TNFRSF9: variants seen among roughly 807,000 people sequenced by gnomAD.
TNFRSF9 encodes the protein tumor necrosis factor receptor superfamily member 9.
A neutral mutation model predicts 28.8 loss-of-function variants in TNFRSF9; 16 were observed. That is an observed-to-expected ratio of 0.55 (90% CI 0.38 to 0.84). The LOEUF is 0.84. Among genes scored for constraint, TNFRSF9 ranks in the 40% least tolerant of loss-of-function variants. TNFRSF9 has a pLI of 0.00. For missense variants in TNFRSF9, 303 were observed against 315.0 expected (o/e 0.96, Z 0.29); for synonymous variants, 131 against 117.0 (o/e 1.12, Z -0.77).
chr1:7,929,823 C>T (rs1476843207), intron 7 of TNFRSF9, among the ~76,000 whole-genome samples: 1 of 152,160 alleles, frequency 6.6e-6, no homozygotes, highest in Non-Finnish European at 1.5e-5. Flanking sequence ...TACACACGCA[C>T]ACTGTGCCAA....
intron 2 of TNFRSF9, 78 bp downstream of exon 2, chr1:7,939,817 G>C: frequency 1.0e-5 from 11 of 1,102,964 alleles, no homozygotes; most frequent in Non-Finnish European, 1.4e-5. Flanking sequence ...AAGGGAGCTC[G>C]TTAGCCCTGA....
At chr1:7,923,319 G>A (rs935349482) in intron 7 of TNFRSF9, among the ~76,000 whole-genome samples, 1 of 152,202 alleles carries the variant, frequency 6.6e-6, no homozygotes, top group Non-Finnish European at 1.5e-5. Flanking sequence ...CACCCTCACG[G>A]CTGATTAAGG....
intron 7 of TNFRSF9, among the ~76,000 whole-genome samples, chr1:7,927,077 C>T (rs1337422112): frequency 6.6e-6 from 1 of 151,374 alleles, no homozygotes; most frequent in African/African-American, 2.4e-5. Context: ...AAAAAAATTA[C>T]CCAGGCATGC....
Position 7,916,496 on chromosome 1 carries a change from A to G in TNFRSF9, c.*4339T>C, listed in dbSNP as rs1187194148. ...AATAAACTGTGGATTTTCGGTGTGT[A>G]ACCTAGGACACATGAGAGCCTCGCT... On this transcript the variant is annotated 3_prime_UTR_variant, in exon 8 of 8. Coordinates refer to ENST00000377507, the MANE Select transcript of TNFRSF9 (RefSeq NM_001561.6). The G allele has an allele frequency of 3.3e-5, 5 of 152,208 alleles. No individual in the cohort carries two copies. Among genetic ancestry groups the G allele is most frequent in the Non-Finnish European group, 7.4e-5 (5 of 68,024 alleles). The allele number at this position is 152,208 out of a possible 1,614,324, so 9.4% of individuals were successfully genotyped here.
At chr1:7,921,064 G>GA in intron 7 of TNFRSF9, 141 bp from the exon 8 acceptor site, 1 of 635,468 alleles carries the variant, frequency 1.6e-6, no homozygotes, top group Non-Finnish European at 2.7e-6. Context: ...AGCCAGGCGT[G>GA]GTGGCTCATG....
At chr1:7,939,520 C>T (rs1385791525) in intron 2 of TNFRSF9, among the ~76,000 whole-genome samples, 2 of 152,222 alleles carry the variant, frequency 1.3e-5, no homozygotes, top group African/African-American at 4.8e-5. Context: ...ACCGTCCCCA[C>T]TCTGTTAAGC....
chr1:7,925,377 A>C (rs1417212868), intron 7 of TNFRSF9, among the ~76,000 whole-genome samples: 1 of 152,132 alleles, frequency 6.6e-6, no homozygotes, highest in East Asian at 1.9e-4. Flanking sequence ...GAAGAAAGAG[A>C]ACATTTTAAA....
chr1:7,921,027 A>T, intron 7 of TNFRSF9, 104 bp from the exon 8 acceptor site: 1 of 840,822 alleles, frequency 1.2e-6, no homozygotes, highest in Non-Finnish European at 1.9e-6. Flanking sequence ...AGCAGCAAAC[A>T]TTCTCCCCTT....
rs145019217 is a variant in TNFRSF9 at position 7,928,187 on chromosome 1, C to T, written c.679+4975G>A. On this transcript the variant is annotated intron_variant, in intron 7 of 7. Transcript: ENST00000377507. ...TGCAAGCAAGGATGCAGAGAAACTC[C>T]GATGAGAATGTAAAATGATACACTT... 2.9e-3 allele frequency among the ~76,000 whole-genome samples: 436 copies of T among 152,202 alleles called. 2 individuals carry two copies. Among genetic ancestry groups the T allele is most frequent in the Non-Finnish European group, 3.2e-3 (215 of 67,998 alleles).
chr1:7,937,860 C>A, intron 4 of TNFRSF9, 104 bp from the exon 5 acceptor site: 1 of 985,930 alleles, frequency 1.0e-6, no homozygotes, highest in East Asian at 2.5e-5. Flanking sequence ...ATGCAATCTG[C>A]ACAAATTGTT....
intron 2 of TNFRSF9, 61 bp downstream of exon 2, chr1:7,939,834 G>T: frequency 7.5e-7 from 1 of 1,340,720 alleles, no homozygotes. Context: ...CTGACTACTA[G>T]ACTAACTGAA....
chr1:7,938,073 T>C (rs950444461), intron 4 of TNFRSF9, 120 bp downstream of exon 4: 2 of 822,022 alleles, frequency 2.4e-6, no homozygotes, highest in Admixed American at 5.8e-5. Context: ...TGATATATCA[T>C]ATACTCCCTT....
intron 7 of TNFRSF9, among the ~76,000 whole-genome samples, chr1:7,929,162 T>TC (rs1639696997): frequency 8.0e-5 from 8 of 99,424 alleles, no homozygotes; most frequent in African/African-American, 4.7e-4. Flanking sequence ...TTTTTCCTTT[T>TC]TTTTTTTTTT....
chr1:7,928,565 G>A (rs1329884070), intron 7 of TNFRSF9, among the ~76,000 whole-genome samples: 1 of 152,220 alleles, frequency 6.6e-6, no homozygotes, highest in Non-Finnish European at 1.5e-5. Context: ...TGTGAAAGTT[G>A]TCAGAATCAA....
intron 7 of TNFRSF9, among the ~76,000 whole-genome samples, chr1:7,932,144 GA>G (rs927292866): frequency 3.3e-5 from 5 of 149,474 alleles, no homozygotes; most frequent in Non-Finnish European, 7.4e-5. Flanking sequence ...TCTCAAAAAA[GA>G]AAAAAAAAGA....
At chr1:7,922,028 G>A (rs1214319668) in intron 7 of TNFRSF9, 1 of 152,174 alleles carries the variant, frequency 6.6e-6, no homozygotes, top group Non-Finnish European at 1.5e-5. Context: ...CCATCTGTTA[G>A]GAACCAAGAA....
chr1:7,926,637 T>C (rs1203170202), intron 7 of TNFRSF9, among the ~76,000 whole-genome samples: 1 of 152,080 alleles, frequency 6.6e-6, no homozygotes, highest in Non-Finnish European at 1.5e-5. Flanking sequence ...TGAAATGAAA[T>C]AATAAAGTGG....
At position 7,935,023 on chromosome 1, in the gene TNFRSF9, C is replaced by G. The variant is rs28360480; in HGVS notation, c.534G>C (p.Ala178=). ...GCATAGCCCAGTTACCTGGCTCTCT[C>G]GCAGGGGCAGGCGGGGTCACAGAGG... The part of the protein sequence containing the change: ...GASSVTPPAP[A]REPGHSPQII... Residue 178 remains alanine, a synonymous_variant, in exon 6 of 8, where the codon GCG becomes GCC. Coordinates refer to ENST00000377507, the MANE Select transcript of TNFRSF9 (RefSeq NM_001561.6). 1.9e-6 allele frequency: 3 copies of G among 1,614,180 alleles called. No individual in the cohort carries two copies. The highest frequency in any genetic ancestry group is 1.7e-6 in the Non-Finnish European group (2 of 1,180,022).
intron 7 of TNFRSF9, among the ~76,000 whole-genome samples, chr1:7,925,786 G>A (rs1639642939): frequency 6.6e-6 from 1 of 152,136 alleles, no homozygotes; most frequent in Non-Finnish European, 1.5e-5. Flanking sequence ...GCTCCTATGA[G>A]AATCTAATGC....
Sources: gnomAD v4.1 joint callset for allele counts (sites outside exome capture counted in the v4.1 genomes callset) on GRCh38, gnomAD v4.1.1 for gene constraint, MANE v1.5 for transcripts, NCBI Gene and HGNC (gene_info 2026-07-23, HGNC 2026-07-21) for gene names.